VPS13B: variants seen among roughly 807,000 people sequenced by gnomAD.
VPS13B encodes intermembrane lipid transfer protein VPS13B.
In VPS13B, 285 loss-of-function variants were observed where a neutral mutation model predicts 426.4. The ratio of observed to expected loss-of-function variants is 0.67; its 90% confidence interval spans 0.61 to 0.74. VPS13B has a LOEUF of 0.74. Among genes scored for constraint, VPS13B ranks in the 30% least tolerant of loss-of-function variants. The pLI, the probability that VPS13B is intolerant of heterozygous loss-of-function variation, is 0.00. For missense variants in VPS13B, 4,537 were observed against 4,782.6 expected (o/e 0.95, Z 1.51); for synonymous variants, 1,676 against 1,676.4 (o/e 1.00, Z 0.01).
Position 99,032,532 on chromosome 8 carries a change from CT to C in VPS13B, c.148-5876del, listed in dbSNP as rs372714195. On this transcript the variant is annotated intron_variant, in intron 2 of 61. Transcript: ENST00000357162. ...TTGAATTACTTTCTTTCTTTCTTTT[CT>C]TTTTTTTTTTTTTTGAGACAGAGTC... Among the ~76,000 whole-genome samples the C allele has an allele frequency of 2.7e-3, 360 of 135,584 alleles. 1 individual carries two copies. The highest frequency in any genetic ancestry group is 5.4e-3 in the African/African-American group (202 of 37,434). 88.9% of individuals were successfully genotyped at this position (135,584 alleles called of 152,430 possible).
rs1317212158 is a variant in VPS13B at position 99,511,145 on chromosome 8, A to G, written c.4266A>G (p.Gly1422=). The change falls in exon 29 of 62, where the codon GGA becomes GGG. Residue 1422 remains glycine, a synonymous_variant. Coordinates refer to ENST00000357162, the MANE Select transcript of VPS13B (RefSeq NM_152564.5). ...KLLDGTHQQH[G]FLSLTYTKAV... ...TAGATGGCACTCATCAGCAGCATGG[A>G]TTCCTCTCTCTGACATACACAAAAG... The G allele has an allele frequency of 1.3e-5, 21 of 1,613,616 alleles. No homozygotes were observed. Among genetic ancestry groups the G allele is most frequent in the Non-Finnish European group, 1.5e-5 (18 of 1,179,998 alleles).
chr8:99,520,758 GA>G, intron 29 of VPS13B, 140 bp from the exon 30 acceptor site: 1 of 567,284 alleles, frequency 1.8e-6, no homozygotes, highest in Admixed American at 2.9e-5. Flanking sequence ...TTTTAAACAT[GA>G]TTTTTTTTCA....
intron 25 of VPS13B, among the ~76,000 whole-genome samples, chr8:99,484,243 A>AT (rs2133562498): frequency 6.6e-6 from 1 of 152,262 alleles, no homozygotes; most frequent in African/African-American, 2.4e-5. Flanking sequence ...TATGACTGAA[A>AT]TTCATTTCAA....
At chr8:99,633,935 A>C (rs1022889594) in intron 33 of VPS13B, among the ~76,000 whole-genome samples, 1 of 151,932 alleles carries the variant, frequency 6.6e-6, no homozygotes, top group Admixed American at 6.6e-5. Flanking sequence ...TTGAACAAAA[A>C]TGACCAACCT....
intron 23 of VPS13B, among the ~76,000 whole-genome samples, chr8:99,447,704 A>G (rs1378907656): frequency 6.6e-6 from 1 of 152,142 alleles, no homozygotes. Flanking sequence ...ATGCATGTGT[A>G]TATGTGTAAA....
chr8:99,830,743 C>T (rs777313836), intron 51 of VPS13B, among the ~76,000 whole-genome samples: 1 of 152,160 alleles, frequency 6.6e-6, no homozygotes, highest in Non-Finnish European at 1.5e-5. Context: ...GCACCAGAGG[C>T]AATCTCCTGG....
At position 99,655,185 on chromosome 8, in the gene VPS13B, G is replaced by A. The variant is rs540056776; in HGVS notation, c.5909-6169G>A. On this transcript the variant is annotated intron_variant, in intron 34 of 61. Transcript: ENST00000357162. The stretch of plus-strand genomic sequence containing the variant: ...GGAAAGCAGTCTATTTTGGCTTGCA[G>A]ATTATTTACTTCCTTGATACAACAC... Among the ~76,000 whole-genome samples, 14 of 152,272 alleles carry A rather than the reference G, an allele frequency of 9.2e-5. No individual in the cohort carries two copies. In the South Asian group the frequency reaches 2.7e-3, roughly 29 times the overall value.
intron 52 of VPS13B, among the ~76,000 whole-genome samples, chr8:99,834,141 T>A (rs1588763420): frequency 6.6e-6 from 1 of 152,362 alleles, no homozygotes; most frequent in Non-Finnish European, 1.5e-5. Flanking sequence ...AAATGGAAGC[T>A]TTTTAGAGCA....
chr8:99,372,925 C>T (rs536825222), intron 19 of VPS13B, among the ~76,000 whole-genome samples: 1 of 152,166 alleles, frequency 6.6e-6, no homozygotes, highest in Non-Finnish European at 1.5e-5. Context: ...AAATGCCCAT[C>T]AGTGATAGAC....
chr8:99,071,640 T>C (rs1844857225), intron 3 of VPS13B, among the ~76,000 whole-genome samples: 1 of 152,124 alleles, frequency 6.6e-6, no homozygotes, highest in Admixed American at 6.5e-5. Context: ...CAGCCATGCT[T>C]GTGTCTTTCC....
intron 3 of VPS13B, among the ~76,000 whole-genome samples, chr8:99,060,704 A>G (rs1205634003): frequency 6.6e-6 from 1 of 152,192 alleles, no homozygotes; most frequent in African/African-American, 2.4e-5. Flanking sequence ...AACTTGGCAT[A>G]AAGTGGATTT....
chr8:99,151,708 T>A (rs907324674), intron 14 of VPS13B, among the ~76,000 whole-genome samples: 3 of 152,110 alleles, frequency 2.0e-5, no homozygotes, highest in African/African-American at 7.2e-5. Flanking sequence ...TAATTTTGTA[T>A]TTTTAGTAGA....
At chr8:99,446,975 A>C (rs753473370) in intron 23 of VPS13B, among the ~76,000 whole-genome samples, 1 of 152,110 alleles carries the variant, frequency 6.6e-6, no homozygotes, top group African/African-American at 2.4e-5. Flanking sequence ...TCTTGATTCT[A>C]TTTAAAACTC....
chr8:99,146,338 C>T (rs1810727761), intron 13 of VPS13B, among the ~76,000 whole-genome samples: 1 of 152,046 alleles, frequency 6.6e-6, no homozygotes, highest in Admixed American at 6.5e-5. Context: ...ATCAATTGAG[C>T]ATATTTGTGT....
At chr8:99,445,766 T>C (rs1159162405) in intron 23 of VPS13B, among the ~76,000 whole-genome samples, 1 of 152,150 alleles carries the variant, frequency 6.6e-6, no homozygotes, top group Non-Finnish European at 1.5e-5. Flanking sequence ...AACACTTTAA[T>C]CCTTCTCTCC....
At chr8:99,540,039 A>T (rs865918547) in intron 30 of VPS13B, among the ~76,000 whole-genome samples, 2 of 4,714 alleles carry the variant, frequency 4.2e-4, no homozygotes, top group Non-Finnish European at 1.0e-3. Context: ...ATATATATAT[A>T]TATATATATA....
chr8:99,293,606 A>C (rs1279361978), intron 19 of VPS13B, among the ~76,000 whole-genome samples: 1 of 136,528 alleles, frequency 7.3e-6, no homozygotes, highest in African/African-American at 2.7e-5. Context: ...TGAACAGGCA[A>C]CCTACAACAT....
chr8:99,646,487 T>TG (rs1412749323), intron 34 of VPS13B, among the ~76,000 whole-genome samples: 1 of 152,182 alleles, frequency 6.6e-6, no homozygotes, highest in African/African-American at 2.4e-5. Context: ...ATTGCATCAC[T>TG]GTACTGCAGC....
chr8:99,339,163 T>A (rs1222845873), intron 19 of VPS13B, among the ~76,000 whole-genome samples: 1 of 152,224 alleles, frequency 6.6e-6, no homozygotes, highest in Non-Finnish European at 1.5e-5. Context: ...TGTTTGCTAT[T>A]TGTATTCTTT....
Sources: gnomAD v4.1 joint callset for allele counts (sites outside exome capture counted in the v4.1 genomes callset) on GRCh38, gnomAD v4.1.1 for gene constraint, MANE v1.5 for transcripts, NCBI Gene and HGNC (gene_info 2026-07-23, HGNC 2026-07-21) for gene names.